Variants in SAFB observed in about 807,000 individuals in gnomAD.
The protein encoded by SAFB is scaffold attachment factor B1.
In SAFB, 15 loss-of-function variants were observed where a neutral mutation model predicts 101.6. The ratio of observed to expected loss-of-function variants is 0.15; its 90% CI spans 0.10 to 0.23. The LOEUF (loss-of-function observed/expected upper bound fraction) is 0.23, where lower values mean the gene tolerates loss of function less well. SAFB is among the 10% of genes least tolerant of loss of function. The pLI is 1.00. For missense variants in SAFB, 930 were observed against 1,104.1 expected (o/e 0.84, Z 2.23); for synonymous variants, 449 against 407.5 (o/e 1.10, Z -1.23).
chr19:5,627,252 G>A (rs565376825), intron 2 of SAFB, among the ~76,000 whole-genome samples: 6 of 152,210 alleles, frequency 3.9e-5, no homozygotes, highest in African/African-American at 1.4e-4. Context: ...ACCCAAGGCA[G>A]GAGAATGGTT....
intron 15 of SAFB, among the ~76,000 whole-genome samples, chr19:5,662,595 G>A (rs75301272): frequency 0.038 from 5,715 of 151,622 alleles, 387 homozygotes; most frequent in African/African-American, 0.13. Context: ...GCTCAGGCAC[G>A]TAGAGAGCGC....
intron 2 of SAFB, among the ~76,000 whole-genome samples, chr19:5,629,636 C>G (rs1032776873): frequency 1.3e-5 from 2 of 152,154 alleles, no homozygotes; most frequent in African/African-American, 4.8e-5. Flanking sequence ...TTCCAACATT[C>G]AGTGTTTGCA....
intron 2 of SAFB, among the ~76,000 whole-genome samples, chr19:5,632,039 ACT>A (rs1220366434): frequency 6.6e-6 from 1 of 152,082 alleles, no homozygotes; most frequent in Non-Finnish European, 1.5e-5. Flanking sequence ...ACAGGGCAAG[ACT>A]CTGTCTCGAA....
Position 5,667,501 on chromosome 19 carries a change from A to G in SAFB, c.2557+51A>G. 1 of 1,291,464 alleles carries G rather than the reference A, an allele frequency of 7.7e-7. No individual in the cohort carries two copies. The allele number at this position is 1,291,464 out of a possible 1,614,324, so 80.0% of individuals were successfully genotyped here. ...CAGGATGTGCTGGGGAGTGATGGAA[A>G]GATGGAGGCCGCGCCTTCTCTCCTT... On this transcript the variant is annotated intron_variant, in intron 19 of 20. Coordinates refer to ENST00000588852, the MANE Select transcript of SAFB (RefSeq NM_001201338.2). The surrounding 1 kb of genome is among the most constrained non-coding windows in gnomAD (Gnocchi z 4.0).
intron 5 of SAFB, 89 bp downstream of exon 5, chr19:5,645,488 G>A (rs1221158848): frequency 1.5e-6 from 1 of 663,188 alleles, no homozygotes; most frequent in Non-Finnish European, 2.8e-6. Flanking sequence ...GCCAGTTCCA[G>A]CTAATAATCA....
At chr19:5,666,072 G>A (rs1167202647) in intron 17 of SAFB, 1 of 152,148 alleles carries the variant, frequency 6.6e-6, no homozygotes, top group African/African-American at 2.4e-5. Context: ...GTGTCAAGGG[G>A]GTTTCCTTAC....
In SAFB at chr19:5,667,512, G is replaced by A. The variant is rs982643774; in HGVS notation, c.2557+62G>A. 1.4e-5 allele frequency: 17 copies of A among 1,188,554 alleles called. No individual in the cohort carries two copies. Among genetic ancestry groups the A allele is most frequent in the African/African-American group, 4.7e-5 (3 of 64,056 alleles). The allele number at this position is 1,188,554 out of a possible 1,614,324, so 73.6% of individuals were successfully genotyped here. A position where few individuals can be genotyped will look rare whatever the true frequency, so the allele number is the denominator to read the frequency against. On this transcript the variant is annotated intron_variant, in intron 19 of 20. Transcript: ENST00000588852. This position sits in a 1 kb window ranked among gnomAD's most constrained non-coding sequence, Gnocchi z 4.0. ...GGGGAGTGATGGAAAGATGGAGGCC[G>A]CGCCTTCTCTCCTTGGGGGAGCACA...
chr19:5,649,348 G>A lies in SAFB; in HGVS notation c.997G>A (p.Glu333Lys), dbSNP rs1338469244. 7.6e-6 allele frequency: 3 copies of A among 395,442 alleles called. No individual in the cohort carries two copies. Among genetic ancestry groups the A allele is most frequent in the African/African-American group, 7.5e-5 (1 of 13,254 alleles). The allele number at this position is 395,442 out of a possible 1,614,324, so 24.5% of individuals were successfully genotyped here. ...CTCCGAGCTCGCGGAGGCCTCTAGC[G>A]AGGAGCTCGCAGAAGCACCCACGGA... is the stretch of plus-strand genomic sequence containing the variant. The part of the protein sequence containing the change: ...AASELAEASS[E>K]ELAEAPTEAP... Residue 333 changes from glutamate (E) to lysine (K), a missense_variant, in exon 7 of 21, where the codon GAG becomes AAG. Coordinates refer to ENST00000588852, the MANE Select transcript of SAFB (RefSeq NM_001201338.2).
At chr19:5,660,136 C>T (rs1265582512) in intron 14 of SAFB, among the ~76,000 whole-genome samples, 1 of 152,098 alleles carries the variant, frequency 6.6e-6, no homozygotes, top group African/African-American at 2.4e-5. Context: ...AACGACTGGC[C>T]TCAGTACCCT....
chr19:5,662,381 C>T (rs1239880779), intron 15 of SAFB, among the ~76,000 whole-genome samples: 3 of 151,816 alleles, frequency 2.0e-5, no homozygotes, highest in Non-Finnish European at 4.4e-5. Context: ...GTAATCCCAG[C>T]TACTGGGGAG....
At position 5,668,425 on chromosome 19, in the gene SAFB, G is replaced by C. The variant is rs1209494986; in HGVS notation, c.*134G>C. On this transcript the variant is annotated 3_prime_UTR_variant, in exon 21 of 21. Coordinates refer to ENST00000588852, the MANE Select transcript of SAFB (RefSeq NM_001201338.2). Reference sequence around the variant, plus strand: ...TCAATACAATGTGAATTTGTTTTTCGTTTTGGGGTTTTTTTTTTTTGTAAT... The same window carrying C: ...TCAATACAATGTGAATTTGTTTTTCCTTTTGGGGTTTTTTTTTTTTGTAAT... The C allele has an allele frequency of 1.0e-6, 1 of 976,716 alleles. No homozygotes were observed. The highest frequency in any genetic ancestry group is 1.4e-6 in the Non-Finnish European group (1 of 700,986). 60.5% of individuals were successfully genotyped at this position (976,716 alleles called of 1,614,324 possible).
At chr19:5,642,677 T>TTTTTTTG (rs1162835303) in intron 4 of SAFB, among the ~76,000 whole-genome samples, 1 of 140,160 alleles carries the variant, frequency 7.1e-6, no homozygotes, top group African/African-American at 2.7e-5. Context: ...TTTTTTTTTT[T>TTTTTTTG]CTGAGACAGA....
intron 14 of SAFB, among the ~76,000 whole-genome samples, chr19:5,658,797 C>G (rs1350828387): frequency 6.7e-6 from 1 of 149,172 alleles, no homozygotes; most frequent in South Asian, 2.1e-4. Context: ...GAGCCAAGAT[C>G]GCGCCACTGC....
At chr19:5,645,472 C>A in intron 5 of SAFB, 73 bp downstream of exon 5, 1 of 725,994 alleles carries the variant, frequency 1.4e-6, no homozygotes, top group Non-Finnish European at 2.5e-6. Context: ...ATTTCAGACA[C>A]CATATGCCAG....
At chr19:5,626,119 A>G (rs1599308354) in intron 1 of SAFB, among the ~76,000 whole-genome samples, 2 of 152,120 alleles carry the variant, frequency 1.3e-5, no homozygotes, top group African/African-American at 2.4e-5. Flanking sequence ...ACAGCCTTCC[A>G]GGGTAAGTAC....
intron 2 of SAFB, among the ~76,000 whole-genome samples, chr19:5,632,527 A>G (rs2053511469): frequency 6.6e-6 from 1 of 152,190 alleles, no homozygotes. Context: ...AGTTTGTTCC[A>G]ATAATATTCT....
At chr19:5,633,567 C>T (rs1257083301) in intron 2 of SAFB, among the ~76,000 whole-genome samples, 2 of 152,038 alleles carry the variant, frequency 1.3e-5, no homozygotes, top group Admixed American at 6.6e-5. Flanking sequence ...ATCATGAGGT[C>T]GGGAGATCGA....
At position 5,668,193 on chromosome 19, in the gene SAFB, C is replaced by A. The variant is rs749699724; in HGVS notation, c.2656C>A (p.Arg886=). The A allele has an allele frequency of 5.6e-6, 9 of 1,606,010 alleles. No individual in the cohort carries two copies. The highest frequency in any genetic ancestry group is 1.7e-6 in the Non-Finnish European group (2 of 1,177,656). The change falls in exon 21 of 21, where the codon CGG becomes AGG. Residue 886 remains arginine, a synonymous_variant. Coordinates refer to ENST00000588852, the MANE Select transcript of SAFB (RefSeq NM_001201338.2). ...CAGCTTTGCCCCAGGCGGGGCCTCC[C>A]GGGGCCACCCCATCCCACACGGTGG... is the stretch of plus-strand genomic sequence containing the variant. ...RGSFAPGGAS[R]GHPIPHGGMQ...
At chr19:5,650,706 C>T (rs760587008) in intron 8 of SAFB, among the ~76,000 whole-genome samples, 42 of 152,170 alleles carry the variant, frequency 2.8e-4, no homozygotes, top group Admixed American at 5.2e-4. Flanking sequence ...CCACCACACC[C>T]GGCCCGCAAT....
Sources: gnomAD v4.1 joint callset for allele counts (sites outside exome capture counted in the v4.1 genomes callset) on GRCh38, gnomAD v4.1.1 for gene constraint, Gnocchi (gnomAD v3.1) non-coding constraint, MANE v1.5 for transcripts, NCBI Gene and HGNC (gene_info 2026-07-23, HGNC 2026-07-21) for gene names.